Variants in SYT1 observed in about 807,000 individuals in gnomAD.
The protein encoded by SYT1 is synaptotagmin-1.
Under a neutral mutation model 44.8 loss-of-function variants are expected in SYT1, and 8 were observed. That is an observed-to-expected ratio of 0.18 (90% CI 0.10 to 0.32). The LOEUF (loss-of-function observed/expected upper bound fraction) is 0.32, where lower values mean the gene tolerates loss of function less well. Among genes scored for constraint, SYT1 ranks in the 10% least tolerant of loss-of-function variants. SYT1 has a pLI of 1.00. For missense variants in SYT1, 286 were observed against 509.3 expected (o/e 0.56, Z 4.22); for synonymous variants, 154 against 188.8 (o/e 0.82, Z 1.51).
intron 1 of SYT1, among the ~76,000 whole-genome samples, chr12:78,946,965 G>A (rs1263305284): frequency 6.6e-6 from 1 of 152,126 alleles, no homozygotes; most frequent in Admixed American, 6.5e-5. Flanking sequence ...TTATGAGTCT[G>A]CCTCTTAGTA....
chr12:78,931,083 A>G (rs1266279000), intron 1 of SYT1, among the ~76,000 whole-genome samples: 1 of 150,102 alleles, frequency 6.7e-6, no homozygotes, highest in Non-Finnish European at 1.5e-5. Context: ...AATCACTTGA[A>G]CCCAGGAGGC....
chr12:79,386,665 G>T lies in SYT1; in HGVS notation c.928+33046G>T, dbSNP rs1011611882. Among the ~76,000 whole-genome samples, 15 of 151,988 alleles carry T rather than the reference G, an allele frequency of 9.9e-5. No individual in the cohort carries two copies. The East Asian group carries it at 1.2e-3, about 12-fold the overall frequency. On this transcript the variant is annotated intron_variant, in intron 9 of 10. Coordinates refer to ENST00000261205, the MANE Select transcript of SYT1 (RefSeq NM_005639.3). Reference sequence around the variant, plus strand: ...AAATCTGTATTCCTGGTATTCCCTGGTGTTTCGATCTTTTACACACCTATT... The same window carrying T: ...AAATCTGTATTCCTGGTATTCCCTGTTGTTTCGATCTTTTACACACCTATT...
intron 8 of SYT1, among the ~76,000 whole-genome samples, chr12:79,317,246 G>A (rs1012350715): frequency 1.3e-5 from 2 of 152,224 alleles, no homozygotes; most frequent in Admixed American, 6.5e-5. Context: ...TCAAGTGCCC[G>A]AAGGCAAAGT....
intron 3 of SYT1, among the ~76,000 whole-genome samples, chr12:79,053,834 AGTT>A (rs1393004140): frequency 4.0e-5 from 6 of 151,870 alleles, no homozygotes; most frequent in Non-Finnish European, 5.9e-5. Context: ...AAACAACCAA[AGTT>A]GTTGGTTGAT....
intron 1 of SYT1, among the ~76,000 whole-genome samples, chr12:78,931,316 G>GA (rs1565723740): frequency 5.5e-5 from 1 of 18,130 alleles, no homozygotes; most frequent in African/African-American, 3.9e-4. Flanking sequence ...GGAGAGGGAG[G>GA]GAGGGAGGGA....
chr12:78,866,013 CATTT>C (rs1873525392), intron 1 of SYT1, among the ~76,000 whole-genome samples: 2 of 151,900 alleles, frequency 1.3e-5, no homozygotes, highest in Admixed American at 6.6e-5. Flanking sequence ...AGTTTCAAAA[CATTT>C]GCAAGGGACA....
At position 79,294,124 on chromosome 12, in the gene SYT1, G is replaced by T. The variant is rs1356785746; in HGVS notation, c.475-1945G>T. The stretch of plus-strand genomic sequence containing the variant: ...TGGAAATCTAGTGGTGTCTCATTCT[G>T]ATTAGTCATAATTTTGAAGCTTTCA... On this transcript the variant is annotated intron_variant, in intron 6 of 10. Coordinates refer to ENST00000261205, the MANE Select transcript of SYT1 (RefSeq NM_005639.3). Among the ~76,000 whole-genome samples the T allele has an allele frequency of 2.0e-5, 3 of 151,736 alleles. No homozygotes were observed. The East Asian group carries it at 5.8e-4, about 29-fold the overall frequency.
intron 8 of SYT1, among the ~76,000 whole-genome samples, chr12:79,349,033 A>AAGAAAGAAAGAAAGAAAGAGAAAG (rs1367804411): frequency 1.7e-5 from 2 of 120,212 alleles, no homozygotes; most frequent in Non-Finnish European, 3.6e-5. Context: ...GAAAGAAAGA[A>AAGAAAGAAAGAAAGAAAGAGAAAG]AAAGAAAGAA....
At chr12:79,208,852 A>G (rs146601837) in intron 3 of SYT1, among the ~76,000 whole-genome samples, 2 of 152,278 alleles carry the variant, frequency 1.3e-5, no homozygotes, top group African/African-American at 2.4e-5. Context: ...GTTATATTCA[A>G]TTTGCAAAAG....
At chr12:78,931,928 G>C (rs768025485) in intron 1 of SYT1, among the ~76,000 whole-genome samples, 7 of 152,188 alleles carry the variant, frequency 4.6e-5, no homozygotes, top group Non-Finnish European at 5.9e-5. Flanking sequence ...TATATGAATA[G>C]TTAGTACAAG....
At chr12:79,044,572 A>T (rs2137748419) in intron 2 of SYT1, among the ~76,000 whole-genome samples, 1 of 144,802 alleles carries the variant, frequency 6.9e-6, no homozygotes, top group African/African-American at 2.6e-5. Context: ...CTTTGGTTTG[A>T]ATGTCCTCCC....
At chr12:79,341,774 T>C (rs1882385954) in intron 8 of SYT1, among the ~76,000 whole-genome samples, 1 of 147,202 alleles carries the variant, frequency 6.8e-6, no homozygotes, top group South Asian at 2.3e-4. Flanking sequence ...GTTCACACCA[T>C]TCTCCTGCCT....
intron 4 of SYT1, among the ~76,000 whole-genome samples, chr12:79,278,262 C>T (rs554755207): frequency 3.3e-5 from 5 of 152,136 alleles, no homozygotes; most frequent in African/African-American, 1.2e-4. Context: ...ATATGACAGG[C>T]CACAAAACAA....
chr12:79,382,740 T>C (rs1884277214), intron 9 of SYT1, among the ~76,000 whole-genome samples: 1 of 152,224 alleles, frequency 6.6e-6, no homozygotes, highest in African/African-American at 2.4e-5. Context: ...GCTAGGTTTT[T>C]CACTTTTTAA....
intron 8 of SYT1, among the ~76,000 whole-genome samples, chr12:79,305,281 A>G (rs565501206): frequency 6.6e-6 from 1 of 152,290 alleles, no homozygotes; most frequent in East Asian, 1.9e-4. Context: ...TTGAAGCAAG[A>G]ATTAAAGCAA....
chr12:78,962,623 C>T (rs935270557), intron 1 of SYT1, among the ~76,000 whole-genome samples: 1 of 151,872 alleles, frequency 6.6e-6, no homozygotes, highest in African/African-American at 2.4e-5. Flanking sequence ...TATTCTCATT[C>T]GTAATCTCTA....
chr12:78,988,165 A>ATACC (rs2137471109), intron 2 of SYT1, among the ~76,000 whole-genome samples: 1 of 152,084 alleles, frequency 6.6e-6, no homozygotes, highest in Admixed American at 6.6e-5. Flanking sequence ...GTTAGGCATT[A>ATACC]TACCTGGTGC....
intron 4 of SYT1, among the ~76,000 whole-genome samples, chr12:79,237,583 A>G (rs1180406481): frequency 1.3e-5 from 2 of 152,232 alleles, no homozygotes; most frequent in Non-Finnish European, 2.9e-5. Flanking sequence ...AGTACTGCTT[A>G]AAGTTTGGAA....
chr12:79,300,457 A>G (rs1279894805), intron 8 of SYT1, among the ~76,000 whole-genome samples: 1 of 151,970 alleles, frequency 6.6e-6, no homozygotes, highest in Non-Finnish European at 1.5e-5. Flanking sequence ...CACCAGGGAG[A>G]TCAGAGAGAA....
Sources: gnomAD v4.1 joint callset for allele counts (sites outside exome capture counted in the v4.1 genomes callset) on GRCh38, gnomAD v4.1.1 for gene constraint, MANE v1.5 for transcripts, NCBI Gene and HGNC (gene_info 2026-07-23, HGNC 2026-07-21) for gene names.